Variants in AMMECR1 observed in about 807,000 individuals in gnomAD.
AMMECR1 encodes the protein nuclear protein AMMECR1.
Under a neutral mutation model 22.5 loss-of-function variants are expected in AMMECR1, and 3 were observed. The ratio of observed to expected loss-of-function variants is 0.13; its 90% CI spans 0.06 to 0.35. AMMECR1 has a LOEUF of 0.35. AMMECR1 is among the 10% of genes least tolerant of loss of function. The pLI, the probability that AMMECR1 is intolerant of heterozygous loss-of-function variation, is 1.00. For missense variants in AMMECR1, 235 were observed against 278.7 expected (o/e 0.84, Z 1.12); for synonymous variants, 130 against 116.7 (o/e 1.11, Z -0.74).
rs2068058547 is a variant in AMMECR1, at chrX:110,317,830, C to T, written c.242G>A (p.Gly81Glu). ...CGGAGGTGGCGACAGGGCGATCCCC[C>T]CGCCGCCGCCGCCGCAGCCCTGGGG... ...SPPQGCGGGG[G>E]GIALSPPPSC... Residue 81 changes from glycine (G) to glutamate (E), a missense_variant, in exon 1 of 6, where the codon GGG (glycine) becomes GAG (glutamate). This residue lies in a region of AMMECR1 where 124 missense variants were observed against 97.0 expected (regional missense o/e 1.28). Coordinates refer to ENST00000262844, the MANE Select transcript of AMMECR1 (RefSeq NM_015365.3). The T allele has an allele frequency of 1.8e-6, 2 of 1,103,730 alleles. No individual in the cohort carries two copies. Among genetic ancestry groups the T allele is most frequent in the Non-Finnish European group, 2.4e-6 (2 of 837,827 alleles). The allele number at this position is 1,103,730 out of a possible 1,213,427, so 91.0% of individuals were successfully genotyped here. A position where few individuals can be genotyped will look rare whatever the true frequency, so the allele number is the denominator to read the frequency against.
intron 1 of AMMECR1, among the ~76,000 whole-genome samples, chrX:110,314,030 C>T (rs55834576): frequency 0.16 from 17,762 of 111,100 alleles, 1,084 homozygotes; most frequent in Middle Eastern, 0.19. Flanking sequence ...CCACCCCACA[C>T]CAACTGAATC....
intron 2 of AMMECR1, among the ~76,000 whole-genome samples, chrX:110,389,146 G>A (rs987476050): frequency 8.9e-6 from 1 of 112,266 alleles, no homozygotes; most frequent in Non-Finnish European, 1.9e-5. Flanking sequence ...GATTCTTTAC[G>A]GCTTCTAAGA....
intron 2 of AMMECR1, among the ~76,000 whole-genome samples, chrX:110,224,498 C>A (rs1287230900): frequency 9.1e-6 from 1 of 109,624 alleles, no homozygotes; most frequent in African/African-American, 3.4e-5. Flanking sequence ...TACCAACTGA[C>A]TCAGAGTTAC....
chrX:110,270,154 T>A (rs759145136), intron 1 of AMMECR1, among the ~76,000 whole-genome samples: 72 of 111,654 alleles, frequency 6.4e-4, no homozygotes, highest in Non-Finnish European at 1.1e-3. Flanking sequence ...TCATTAAACC[T>A]TAATTAATTT....
chrX:110,344,379 A>G (rs1225887343), intron 2 of AMMECR1, among the ~76,000 whole-genome samples: 21 of 112,362 alleles, frequency 1.9e-4, no homozygotes, highest in African/African-American at 6.5e-4. Flanking sequence ...TAGACCTAAA[A>G]CCATAAAAAC....
rs778252834 is a variant in AMMECR1 at position 110,210,252 on chromosome X, TA to T, written c.699+6265del. ...TCCTTTCCCAACACTCCACGGCACT[TA>T]AAAAAAAAAAAAACATTTAAAGTAG... is the stretch of plus-strand genomic sequence containing the variant. On this transcript the variant is annotated intron_variant, in intron 3 of 5. Transcript: ENST00000262844. Among the ~76,000 whole-genome samples, 703 of 95,572 alleles carry T rather than the reference TA, an allele frequency of 7.4e-3. 2 individuals are homozygous for T. The highest frequency in any genetic ancestry group is 0.011 in the African/African-American group (283 of 26,312). The allele number at this position is 95,572 out of a possible 115,157, so 83.0% of individuals were successfully genotyped here.
At chrX:110,260,974 G>C (rs1286131710) in intron 2 of AMMECR1, among the ~76,000 whole-genome samples, 1 of 111,645 alleles carries the variant, frequency 9.0e-6, no homozygotes, top group East Asian at 2.8e-4. Context: ...ACTGATACGA[G>C]GTACCTAGAG....
At position 110,317,956 on chromosome X, in the gene AMMECR1, C is replaced by T. The variant is rs2068060199; in HGVS notation, c.116G>A (p.Cys39Tyr). ...TCCTAGTCCCAGCTCCCCAGCTCGG[C>T]ACTGGCTCTCTCCGCTGCAGTGGGA... ...SSSHCSGESQ[C>Y]RAGELGLGGA... Residue 39 changes from cysteine (C) to tyrosine (Y), a missense_variant, in exon 1 of 6, where the codon TGC becomes TAC. By Grantham distance (194) the Cys-to-Tyr change is radical (BLOSUM62 -2). Coordinates refer to ENST00000262844, the MANE Select transcript of AMMECR1 (RefSeq NM_015365.3). The T allele has an allele frequency of 5.0e-6, 6 of 1,199,608 alleles. No homozygotes were observed. Among genetic ancestry groups the T allele is most frequent in the Non-Finnish European group, 5.6e-6 (5 of 889,553 alleles).
At chrX:110,397,320 T>C (rs1467850207) in intron 2 of AMMECR1, among the ~76,000 whole-genome samples, 1 of 111,396 alleles carries the variant, frequency 9.0e-6, no homozygotes, top group East Asian at 2.8e-4. Flanking sequence ...AAAGAAGGAA[T>C]CATTGCTGTT....
intron 2 of AMMECR1, among the ~76,000 whole-genome samples, chrX:110,263,126 T>C (rs769888012): frequency 9.0e-6 from 1 of 111,253 alleles, no homozygotes; most frequent in South Asian, 3.8e-4. Context: ...ATTAAATGTG[T>C]AATTTAATAT....
At chrX:110,203,977 G>A (rs747214216) in intron 3 of AMMECR1, among the ~76,000 whole-genome samples, 1 of 111,442 alleles carries the variant, frequency 9.0e-6, no homozygotes, top group South Asian at 3.8e-4. Flanking sequence ...TGCTAAAAAT[G>A]CGACCAGGGT....
In AMMECR1 at chrX:110,225,847, T is replaced by C. The variant is rs1486578057; in HGVS notation, c.585-9215A>G. On this transcript the variant is annotated intron_variant, in intron 2 of 5. Coordinates refer to ENST00000262844, the MANE Select transcript of AMMECR1 (RefSeq NM_015365.3). The stretch of plus-strand genomic sequence containing the variant: ...AGAATGTGCATGCCACCATGAACTC[T>C]CACCAAATCAAGAAATCTCACACTT... Among the ~76,000 whole-genome samples, 4 of 111,687 alleles carry C rather than the reference T, an allele frequency of 3.6e-5. No homozygotes were observed. The East Asian group carries it at 1.1e-3, about 31-fold the overall frequency.
intron 2 of AMMECR1, among the ~76,000 whole-genome samples, chrX:110,342,858 C>T (rs1026065841): frequency 2.7e-5 from 3 of 111,065 alleles, no homozygotes; most frequent in African/African-American, 9.9e-5. Context: ...AAAACTTGAA[C>T]CAACCAAAAA....
At position 110,374,732 on chromosome X, in the gene AMMECR1, T is replaced by G. The variant is rs2068364063; in HGVS notation, c.-148+51926A>C. Reference sequence around the variant, plus strand: ...TGGAGGGTGCAAAGGACAGCTTCTATGTTTGTGGGATGGAGGTAAGAAGAG... The same window carrying G: ...TGGAGGGTGCAAAGGACAGCTTCTAGGTTTGTGGGATGGAGGTAAGAAGAG... On this transcript the variant is annotated intron_variant, in intron 2 of 7. Transcript: ENST00000372057. 2.7e-5 allele frequency among the ~76,000 whole-genome samples: 3 copies of G among 110,893 alleles called. No individual in the cohort carries two copies. The South Asian group carries it at 1.1e-3, about 42-fold the overall frequency.
chrX:110,343,612 A>T (rs986838680), intron 2 of AMMECR1, among the ~76,000 whole-genome samples: 4 of 111,424 alleles, frequency 3.6e-5, no homozygotes, highest in African/African-American at 1.3e-4. Context: ...TCAGCCCCAA[A>T]TCTCCTTAAG....
At chrX:110,313,704 C>T in intron 1 of AMMECR1, among the ~76,000 whole-genome samples, 1 of 111,306 alleles carries the variant, frequency 9.0e-6, no homozygotes, top group East Asian at 2.8e-4. Flanking sequence ...TGAAAAAGGA[C>T]CTAAAATCAT....
At chrX:110,350,376 T>C (rs1013799732) in intron 2 of AMMECR1, among the ~76,000 whole-genome samples, 13 of 111,651 alleles carry the variant, frequency 1.2e-4, no homozygotes, top group African/African-American at 4.2e-4. Context: ...ACTCTTCTGC[T>C]AAGATCAGAA....
chrX:110,402,251 T>G (rs1436445806), intron 2 of AMMECR1, among the ~76,000 whole-genome samples: 1 of 113,189 alleles, frequency 8.8e-6, no homozygotes, highest in East Asian at 2.8e-4. Flanking sequence ...CTGATGAGCA[T>G]GAAGAAGGCT....
At chrX:110,293,815 C>T (rs2067920856) in intron 1 of AMMECR1, among the ~76,000 whole-genome samples, 1 of 111,409 alleles carries the variant, frequency 9.0e-6, no homozygotes, top group Admixed American at 9.5e-5. Context: ...TGTCTGTGAA[C>T]CCAATGACTC....
Sources: allele counts gnomAD v4.1 joint callset (sites outside exome capture counted in the v4.1 genomes callset), GRCh38; gene constraint gnomAD v4.1.1; regional missense constraint gnomAD v4.1.1; transcripts MANE v1.5; gene names NCBI Gene and HGNC (gene_info 2026-07-23, HGNC 2026-07-21).